Variants in PGPEP1L observed in about 807,000 individuals in gnomAD.
The protein encoded by PGPEP1L is pyroglutamyl-peptidase I like.
PGPEP1L carries 7 observed loss-of-function variants against 6.0 expected under a neutral mutation model. That is an observed-to-expected ratio of 1.17 (90% CI 0.66 to 2.19). The LOEUF (loss-of-function observed/expected upper bound fraction) is 2.19, where lower values mean the gene tolerates loss of function less well. Ranked by LOEUF, PGPEP1L falls within the 30% of genes most tolerant of loss-of-function variation. PGPEP1L has a pLI of 0.00. For synonymous variants in PGPEP1L, 103 were observed against 83.9 expected (o/e 1.23, Z -1.24); for missense variants, 209 against 192.5 (o/e 1.09, Z -0.51).
chr15:98,980,888 C>A (rs1220151288), intron 2 of PGPEP1L, among the ~76,000 whole-genome samples: 1 of 151,850 alleles, frequency 6.6e-6, no homozygotes, highest in Non-Finnish European at 1.5e-5. Flanking sequence ...GCCAAGATCA[C>A]CCCCACTGCA....
chr15:98,983,444 G>T (rs1015944892), intron 2 of PGPEP1L, among the ~76,000 whole-genome samples: 6 of 152,180 alleles, frequency 3.9e-5, no homozygotes, highest in African/African-American at 1.2e-4. Flanking sequence ...TGGCTGCCTA[G>T]GCTGTATTTT....
At chr15:99,000,856 C>A (rs1051088838) in intron 2 of PGPEP1L, among the ~76,000 whole-genome samples, 1 of 152,126 alleles carries the variant, frequency 6.6e-6, no homozygotes, top group Non-Finnish European at 1.5e-5. Flanking sequence ...CTCGGGTCCC[C>A]TTCCACACTG....
chr15:98,982,023 A>G (rs145856349), intron 2 of PGPEP1L, among the ~76,000 whole-genome samples: 156 of 152,322 alleles, frequency 1.0e-3, no homozygotes, highest in African/African-American at 3.6e-3. Context: ...CTTCCTGTCA[A>G]CGTGGGAATG....
chr15:98,969,749 C>G, intron 3 of PGPEP1L, 98 bp from the exon 4 acceptor site: 4 of 1,250,990 alleles, frequency 3.2e-6, no homozygotes, highest in Non-Finnish European at 3.4e-6. Context: ...GAGCCCGGCT[C>G]TGTGCAAAAC....
Position 98,968,689 on chromosome 15 carries a change from C to T in PGPEP1L, c.218G>A (p.Cys73Tyr). 3 of 1,565,490 alleles carry T rather than the reference C, an allele frequency of 1.9e-6. No individual in the cohort carries two copies. Among genetic ancestry groups the T allele is most frequent in the Non-Finnish European group, 2.6e-6 (3 of 1,154,780 alleles). ...CAGAGACAGGTAATAGGTATAATCACAGACGTATCTGCAACCACAGGAAAT... is the reference window on the plus strand; with the variant it reads ...CAGAGACAGGTAATAGGTATAATCATAGACGTATCTGCAACCACAGGAAAT... ...IFSRDAGRYV[C>Y]DYTYYLSLHH... Residue 73 changes from cysteine to tyrosine, a missense_variant, in exon 5 of 5, where the codon TGT (cysteine) becomes TAT (tyrosine). Coordinates refer to ENST00000535714, the MANE Select transcript of PGPEP1L (RefSeq NM_001167902.2).
chr15:98,994,682 T>G (rs544580324), intron 2 of PGPEP1L, among the ~76,000 whole-genome samples: 1 of 152,358 alleles, frequency 6.6e-6, no homozygotes, highest in East Asian at 1.9e-4. Context: ...CTCCTTGCAT[T>G]TCACACTGTC....
chr15:99,002,173 G>T (rs575043603), intron 2 of PGPEP1L, among the ~76,000 whole-genome samples: 172 of 152,038 alleles, frequency 1.1e-3, no homozygotes, highest in South Asian at 2.3e-3. Flanking sequence ...CACCATGTCT[G>T]ATTAATTTTT....
chr15:98,997,242 T>G (rs782752730), intron 2 of PGPEP1L, among the ~76,000 whole-genome samples: 28 of 152,274 alleles, frequency 1.8e-4, no homozygotes, highest in Middle Eastern at 3.4e-3. Context: ...TGCCCTCAGC[T>G]TTTTCCTGGT....
chr15:98,989,468 T>C (rs912257520), intron 2 of PGPEP1L, among the ~76,000 whole-genome samples: 5 of 151,982 alleles, frequency 3.3e-5, no homozygotes. Context: ...CTCCAAGAAA[T>C]ATGGGACTAT....
At chr15:98,994,583 T>C (rs1312557195) in intron 2 of PGPEP1L, among the ~76,000 whole-genome samples, 3 of 152,052 alleles carry the variant, frequency 2.0e-5, no homozygotes, top group Admixed American at 6.6e-5. Flanking sequence ...TGAGACCCTG[T>C]ATCAAAAAAG....
At position 99,007,583 on chromosome 15, in the gene PGPEP1L, G is replaced by C. The variant is rs1270744235; in HGVS notation, c.-594C>G. On this transcript the variant is annotated 5_prime_UTR_variant, in exon 1 of 5. Coordinates refer to ENST00000535714, the MANE Select transcript of PGPEP1L (RefSeq NM_001167902.2). ...ACGGACCTTCATCATGAGTGCTACGGCTCTTAAGGTGGCGTGTTTGGAGTT... is the reference window on the plus strand; with the variant it reads ...ACGGACCTTCATCATGAGTGCTACGCCTCTTAAGGTGGCGTGTTTGGAGTT... The C allele has an allele frequency of 1.3e-5, 2 of 151,968 alleles. No homozygotes were observed. The highest frequency in any genetic ancestry group is 2.9e-5 in the Non-Finnish European group (2 of 68,010). 9.4% of individuals were successfully genotyped at this position (151,968 alleles called of 1,614,324 possible).
intron 2 of PGPEP1L, among the ~76,000 whole-genome samples, chr15:98,993,591 T>G (rs1398636538): frequency 6.6e-6 from 1 of 150,964 alleles, no homozygotes; most frequent in Non-Finnish European, 1.5e-5. Flanking sequence ...AAACACTGCA[T>G]GTTCTCACTC....
chr15:98,972,077 G>C (rs1285409716), intron 2 of PGPEP1L, among the ~76,000 whole-genome samples: 4 of 152,136 alleles, frequency 2.6e-5, no homozygotes, highest in African/African-American at 9.7e-5. Context: ...CATGGGCCAG[G>C]CATGGTGGTT....
chr15:99,002,657 A>T (rs1483507509), intron 2 of PGPEP1L, among the ~76,000 whole-genome samples: 1 of 150,928 alleles, frequency 6.6e-6, no homozygotes, highest in Admixed American at 6.6e-5. Flanking sequence ...TTCAAAATAA[A>T]AAGTTTTAAA....
At chr15:98,984,092 G>A (rs1414058984) in intron 2 of PGPEP1L, among the ~76,000 whole-genome samples, 1 of 142,268 alleles carries the variant, frequency 7.0e-6, no homozygotes, top group East Asian at 2.2e-4. Context: ...CTCACTGCAA[G>A]ATCTGCTTCC....
intron 2 of PGPEP1L, among the ~76,000 whole-genome samples, chr15:98,981,348 G>C (rs1242776415): frequency 6.6e-6 from 1 of 151,928 alleles, no homozygotes; most frequent in Non-Finnish European, 1.5e-5. Context: ...AAGTTAGCCG[G>C]GCGTGCTGGC....
At chr15:98,987,975 T>C (rs1284560912) in intron 2 of PGPEP1L, among the ~76,000 whole-genome samples, 2 of 152,322 alleles carry the variant, frequency 1.3e-5, no homozygotes, top group South Asian at 2.1e-4. Flanking sequence ...GCTTTTCCTA[T>C]GGTCTTTGCA....
intron 2 of PGPEP1L, among the ~76,000 whole-genome samples, chr15:99,000,114 G>A (rs1200697384): frequency 6.6e-6 from 1 of 152,256 alleles, no homozygotes; most frequent in Non-Finnish European, 1.5e-5. Flanking sequence ...TTCCGGGTGG[G>A]CGTGGGCTCC....
chr15:98,987,194 A>AAAAAAAG (rs2017759831), intron 2 of PGPEP1L, among the ~76,000 whole-genome samples: 1 of 146,068 alleles, frequency 6.8e-6, no homozygotes, highest in East Asian at 1.9e-4. Context: ...AAAAAAAAAA[A>AAAAAAAG]AGAGAGCCAA....
Sources: gnomAD v4.1 joint callset for allele counts (sites outside exome capture counted in the v4.1 genomes callset) on GRCh38, gnomAD v4.1.1 for gene constraint, MANE v1.5 for transcripts, NCBI Gene and HGNC (gene_info 2026-07-23, HGNC 2026-07-21) for gene names.